The following IL32 variants were observed in gnomAD, a reference collection of about 807,000 sequenced individuals.
The protein encoded by IL32 is interleukin 32, also known as interleukin-32.
A neutral mutation model predicts 16.6 loss-of-function variants in IL32; 30 were observed. That is an observed-to-expected ratio of 1.81 (90% confidence interval 1.35 to 2.45). The LOEUF (loss-of-function observed/expected upper bound fraction) is 2.45. Among genes scored for constraint, IL32 ranks in the 30% most tolerant of loss-of-function variants. The pLI is 0.00. For missense variants in IL32, 234 were observed against 229.8 expected, an observed-to-expected ratio of 1.02 and a Z score of -0.12; for synonymous variants, 70 against 86.1, an observed-to-expected ratio of 0.81 and a Z score of 1.03.
chr16:3,067,994 G>C lies in IL32; in HGVS notation c.125G>C (p.Ser42Thr). Residue 42 changes from serine to threonine, a missense_variant, in exon 5 of 7, where the codon AGC (serine) becomes ACC (threonine). Ser to Thr is a moderately conservative substitution (Grantham distance 58). Around this residue, in one of 3 missense-constraint regions of IL32, gnomAD observed 137 missense variants for 80.7 expected, o/e 1.70. Coordinates refer to ENST00000525643, the MANE Select transcript of IL32 (RefSeq NM_001376923.1). Reference protein sequence around the residue: ...AESGRGQVMSSLAELEDDFKE... With the variant: ...AESGRGQVMSTLAELEDDFKE... ...CTTTGTTCCTAACAGGTGATGTCGAGCCTGGCAGAGCTGGAGGTGAGCCGT... is the reference window on the plus strand; with the variant it reads ...CTTTGTTCCTAACAGGTGATGTCGACCCTGGCAGAGCTGGAGGTGAGCCGT... The C allele has an allele frequency of 4.3e-6, 7 of 1,614,142 alleles. No individual in the cohort carries two copies. Among genetic ancestry groups the C allele is most frequent in the Non-Finnish European group, 5.9e-6 (7 of 1,179,992 alleles).
intron 5 of IL32, 44 bp from the exon 6 acceptor site, chr16:3,068,136 G>T (rs563098871): frequency 3.1e-6 from 5 of 1,600,876 alleles, no homozygotes; most frequent in Non-Finnish European, 4.3e-6. Flanking sequence ...TGGGAAGGGG[G>T]CAGGCAGGAG....
chr16:3,068,730 G>A lies in IL32; in HGVS notation c.202-260G>A, dbSNP rs533671748. 7 of 537,548 alleles carry A rather than the reference G, an allele frequency of 1.3e-5. No individual in the cohort carries two copies. The South Asian group carries it at 1.4e-4, about 11-fold the overall frequency. 33.3% of individuals were successfully genotyped at this position (537,548 alleles called of 1,614,324 possible). On this transcript the variant is annotated intron_variant, in intron 6 of 6. Coordinates refer to ENST00000525643, the MANE Select transcript of IL32 (RefSeq NM_001376923.1). Reference sequence around the variant, plus strand: ...CCCATGGCCTCACTCCTCACACAGTGGCACAGCCCTCAAGGCACGATGAGG... The same window carrying A: ...CCCATGGCCTCACTCCTCACACAGTAGCACAGCCCTCAAGGCACGATGAGG...
rs1363666526 is a variant in IL32 at position 3,069,064 on chromosome 16, TGAG to T, written c.279_281del (p.Glu93del). ...GCAACAGATCCCCTGTCCCGGATGT[TGAG>T]GATCCCGCAACCGAGGAGCCTGGGG... On this transcript the variant is annotated inframe_deletion, in exon 7 of 7. Transcript: ENST00000525643. 1 of 1,607,724 alleles carries T rather than the reference TGAG, an allele frequency of 6.2e-7. No individual in the cohort carries two copies. The highest frequency in any genetic ancestry group is 2.2e-5 in the East Asian group (1 of 44,780).
chr16:3,068,865 G>C (rs1351572005), intron 6 of IL32, 125 bp from the exon 7 acceptor site: 4 of 1,339,478 alleles, frequency 3.0e-6, no homozygotes, highest in Non-Finnish European at 3.0e-6. Flanking sequence ...GGCTGTGGTT[G>C]GGAAACCAAC....
intron 6 of IL32, 58 bp from the exon 7 acceptor site, chr16:3,068,932 C>T: frequency 1.2e-6 from 2 of 1,601,566 alleles, no homozygotes; most frequent in South Asian, 1.1e-5. Flanking sequence ...TGGGTGTGGC[C>T]AGGGCCTGGG....
rs535761109 is a variant in IL32 at position 3,065,647 on chromosome 16, G to A, written c.-69G>A. 35 of 753,174 alleles carry A rather than the reference G, an allele frequency of 4.6e-5. No individual in the cohort carries two copies. Among genetic ancestry groups the A allele is most frequent in the South Asian group, 4.0e-4 (27 of 67,226 alleles). The allele number at this position is 753,174 out of a possible 1,614,324, so 46.7% of individuals were successfully genotyped here. On this transcript the variant is annotated 5_prime_UTR_variant, in exon 1 of 7. It adds an upstream start codon to the 5' untranslated region. Coordinates refer to ENST00000525643, the MANE Select transcript of IL32 (RefSeq NM_001376923.1). The stretch of plus-strand genomic sequence containing the variant: ...TGAGTATTTGTGCCAGGAAGACTGC[G>A]TGCAGAAGGTGACTGTCTCAGTGGA...
At chr16:3,067,003 C>A (rs1292283581) in intron 2 of IL32, among the ~76,000 whole-genome samples, 2 of 70,162 alleles carry the variant, frequency 2.9e-5, no homozygotes, top group Non-Finnish European at 3.2e-5. Context: ...CCCACGCAGG[C>A]CCTGCTCTTG....
chr16:3,067,381 T>C lies in IL32; in HGVS notation c.20T>C (p.Leu7Pro). 2 of 1,548,230 alleles carry C rather than the reference T, an allele frequency of 1.3e-6. No homozygotes were observed. Among genetic ancestry groups the C allele is most frequent in the Non-Finnish European group, 1.7e-6 (2 of 1,147,322 alleles). ...GTGTCACCGTTATTTCCGCAGGTCC[T>C]CTCTGATGACATGAAGAAGCTGAAG... MCFPKV[L>P]SDDMKKLKAR... The change falls in exon 3 of 7, where the codon CTC becomes CCC. Residue 7 changes from leucine (L) to proline (P), a missense_variant. Transcript: ENST00000525643.
rs149365179 is a variant in IL32, at chr16:3,068,591, A to G, written c.201+352A>G. The G allele has an allele frequency of 1.1e-3, 432 of 407,466 alleles. 5 individuals carry two copies. The highest frequency in any genetic ancestry group is 8.1e-3 in the African/African-American group (396 of 49,080). The allele number at this position is 407,466 out of a possible 1,614,324, so 25.2% of individuals were successfully genotyped here. On this transcript the variant is annotated intron_variant, in intron 6 of 6. Transcript: ENST00000525643. ...CTCCCAAAGTGCTGAGATTACAGGC[A>G]TGAGCCACCGGGCCCAGCCAACCCC... is the stretch of plus-strand genomic sequence containing the variant.
Position 3,068,271 on chromosome 16 carries a change from C to G in IL32, c.201+32C>G, listed in dbSNP as rs761568533. On this transcript the variant is annotated intron_variant, in intron 6 of 6. Transcript: ENST00000525643. The stretch of plus-strand genomic sequence containing the variant: ...ATGACACACCCATCTGGGCACCTTG[C>G]CTTCCTTCACCTCTGCCCTGTCTTT... The G allele has an allele frequency of 4.0e-6, 6 of 1,515,550 alleles. No homozygotes were observed. In the East Asian group the frequency reaches 1.2e-4, roughly 30 times the overall value. The allele number at this position is 1,515,550 out of a possible 1,614,324, so 93.9% of individuals were successfully genotyped here.
intron 4 of IL32, 150 bp downstream of exon 4, chr16:3,067,763 G>A: frequency 3.6e-6 from 3 of 827,622 alleles, no homozygotes; most frequent in Non-Finnish European, 5.9e-6. Context: ...GGGTGGCAGT[G>A]AGTGGGCGGG....
chr16:3,066,486 C>A (rs1956319735), intron 2 of IL32, among the ~76,000 whole-genome samples: 1 of 152,346 alleles, frequency 6.6e-6, no homozygotes, highest in Middle Eastern at 3.4e-3. Context: ...AGGCCCTGCG[C>A]ACTCTGTGGG....
At chr16:3,065,563 G>A (rs1956222921), upstream of IL32, 1 of 606,156 alleles carries the variant, frequency 1.6e-6, no homozygotes, top group African/African-American at 1.9e-5. Context: ...CACTCAGCAA[G>A]GCCTCCTGCC....
rs183592282 is a variant in IL32 at position 3,068,030 on chromosome 16, T to C, written c.141+20T>C. 142 of 1,613,816 alleles carry C rather than the reference T, an allele frequency of 8.8e-5. No individual in the cohort carries two copies. In the African/African-American group the frequency reaches 1.7e-3, roughly 20 times the overall value. The stretch of plus-strand genomic sequence containing the variant: ...CTGGAGGTGAGCCGTGGCCTCCCCC[T>C]CCACCAAGCTTAGTCCCTGGGTCTT... On this transcript the variant is annotated intron_variant, in intron 5 of 6. Transcript: ENST00000525643.
intron 2 of IL32, 94 bp from the exon 3 acceptor site, chr16:3,067,283 G>C (rs777598202): frequency 1.2e-4 from 64 of 535,186 alleles, no homozygotes; most frequent in Middle Eastern, 4.6e-4. Context: ...GTGTGTGTGT[G>C]TGTGTGTGTG....
chr16:3,067,668 C>T lies in IL32; in HGVS notation c.114+55C>T, dbSNP rs761965943. 74 of 1,329,790 alleles carry T rather than the reference C, an allele frequency of 5.6e-5. 1 individual carries two copies. The highest frequency in any genetic ancestry group is 1.0e-4 in the Admixed American group (6 of 59,112). 82.4% of individuals were successfully genotyped at this position (1,329,790 alleles called of 1,614,324 possible). A position where few individuals can be genotyped will look rare whatever the true frequency, so the allele number is the denominator to read the frequency against. On this transcript the variant is annotated intron_variant, in intron 4 of 6. Transcript: ENST00000525643. The stretch of plus-strand genomic sequence containing the variant: ...CACATGTCCCCGCCCCCAGGCACTC[C>T]ACCCTGTGTGGGGCTCAGGGTGAGA...
chr16:3,068,922 T>C (rs113049976), intron 6 of IL32, 68 bp from the exon 7 acceptor site: 3 of 1,599,254 alleles, frequency 1.9e-6, no homozygotes, highest in Non-Finnish European at 2.6e-6. Context: ...CTGAGAGGCC[T>C]GGGTGTGGCC....
intron 5 of IL32, 41 bp downstream of exon 5, chr16:3,068,051 G>A (rs766317357): frequency 2.5e-6 from 4 of 1,613,352 alleles, no homozygotes; most frequent in East Asian, 4.5e-5. Flanking sequence ...TAGTCCCTGG[G>A]TCTTAGGCTC....
At chr16:3,067,445 G>T (rs202133237) in intron 3 of IL32, 30 bp downstream of exon 3, 9 of 1,610,444 alleles carry the variant, frequency 5.6e-6, no homozygotes, top group South Asian at 2.2e-5. Context: ...CTGCTCAGGG[G>T]TTGGGGGCCT....
Sources: allele counts gnomAD v4.1 joint callset (sites outside exome capture counted in the v4.1 genomes callset), GRCh38; gene constraint gnomAD v4.1.1; regional missense constraint gnomAD v4.1.1; transcripts MANE v1.5; gene names NCBI Gene and HGNC (gene_info 2026-07-23, HGNC 2026-07-21).